Variants in DAPK2 observed in about 807,000 individuals in gnomAD.
DAPK2 encodes death associated protein kinase 2, also known as death-associated protein kinase 2.
In DAPK2, 35 loss-of-function variants were observed where a neutral mutation model predicts 44.1. That is an observed-to-expected ratio of 0.79 (90% CI 0.61 to 1.05). The LOEUF is 1.05. Ranked by LOEUF, DAPK2 falls within the 50% of genes least tolerant of loss-of-function variation. DAPK2 has a pLI of 0.00. For missense variants in DAPK2, 453 were observed against 483.2 expected (o/e 0.94, Z 0.59); for synonymous variants, 174 against 182.6 (o/e 0.95, Z 0.38).
chr15:64,024,010 C>A (rs927578842), intron 1 of DAPK2, among the ~76,000 whole-genome samples: 1 of 152,194 alleles, frequency 6.6e-6, no homozygotes, highest in African/African-American at 2.4e-5. Context: ...AAAGGGGAGT[C>A]TACCTTGCGC....
chr15:63,976,648 T>G (rs1013376377), intron 2 of DAPK2, among the ~76,000 whole-genome samples: 60 of 152,260 alleles, frequency 3.9e-4, no homozygotes, highest in African/African-American at 1.4e-3. Flanking sequence ...GAGGCTGTAG[T>G]GAGCCGTGAT....
intron 3 of DAPK2, among the ~76,000 whole-genome samples, chr15:63,954,067 A>G (rs1195084186): frequency 6.6e-6 from 1 of 152,038 alleles, no homozygotes; most frequent in East Asian, 1.9e-4. Context: ...TCCCTTGTCA[A>G]ATGGGTTGTT....
chr15:64,045,311 C>T (rs903234547), intron 1 of DAPK2, among the ~76,000 whole-genome samples: 2 of 152,122 alleles, frequency 1.3e-5, no homozygotes, highest in Non-Finnish European at 2.9e-5. Context: ...GGGAGATGAG[C>T]GGTTTGGGGA....
At position 63,923,270 on chromosome 15, in the gene DAPK2, T is replaced by A. The variant is rs2079138854; in HGVS notation, c.858+1546A>T. 6.5e-7 allele frequency: 1 copy of A among 1,535,828 alleles called. No individual in the cohort carries two copies. The highest frequency in any genetic ancestry group is 1.4e-5 in the African/African-American group (1 of 73,040). On this transcript the variant is annotated intron_variant, in intron 8 of 10. Coordinates refer to ENST00000261891, the Ensembl canonical transcript of DAPK2. This position sits in a 1 kb window ranked among gnomAD's most constrained non-coding sequence, Gnocchi z 4.2. ...GCTTGAGTGGCATTTGAGAGTGTAC[T>A]CTCTCAGGTGCTTGGTCTTCAGCTG... is the stretch of plus-strand genomic sequence containing the variant.
At chr15:63,992,359 C>CTG (rs1382548616) in intron 1 of DAPK2, among the ~76,000 whole-genome samples, 2 of 152,042 alleles carry the variant, frequency 1.3e-5, no homozygotes, top group Admixed American at 6.6e-5. Flanking sequence ...ACCCACCCAC[C>CTG]TGCCCATGTA....
chr15:64,012,033 C>T (rs1443938184), intron 1 of DAPK2, among the ~76,000 whole-genome samples: 1 of 152,118 alleles, frequency 6.6e-6, no homozygotes, highest in African/African-American at 2.4e-5. Flanking sequence ...CAGTTCCTTC[C>T]GTAAAGTGCA....
chr15:63,989,122 G>C (rs527782346), intron 1 of DAPK2, among the ~76,000 whole-genome samples: 1 of 150,404 alleles, frequency 6.6e-6, no homozygotes, highest in African/African-American at 2.4e-5. Context: ...AGAGGTACCA[G>C]TGAGCCGAGA....
chr15:63,926,863 T>A (rs1257427415), intron 6 of DAPK2, among the ~76,000 whole-genome samples: 1 of 152,218 alleles, frequency 6.6e-6, no homozygotes, highest in African/African-American at 2.4e-5. Flanking sequence ...CTTGGACTCT[T>A]CTTTCTATTC....
chr15:63,931,798 C>G (rs565856160), intron 4 of DAPK2, among the ~76,000 whole-genome samples: 1 of 152,212 alleles, frequency 6.6e-6, no homozygotes, highest in African/African-American at 2.4e-5. Context: ...AGATCAAATG[C>G]TCCCCAGAGA....
At chr15:64,008,545 C>T (rs2079300631) in intron 1 of DAPK2, among the ~76,000 whole-genome samples, 1 of 152,210 alleles carries the variant, frequency 6.6e-6, no homozygotes, top group Admixed American at 6.5e-5. Flanking sequence ...ACAAGCTAAG[C>T]ATTCTCCACT....
At chr15:63,975,737 T>G (rs2078327616) in intron 2 of DAPK2, among the ~76,000 whole-genome samples, 1 of 152,160 alleles carries the variant, frequency 6.6e-6, no homozygotes, top group Non-Finnish European at 1.5e-5. Context: ...TAGCTGAGGT[T>G]ACAGGCACAT....
At chr15:64,002,960 G>GCCC (rs1567266528) in intron 1 of DAPK2, among the ~76,000 whole-genome samples, 1 of 115,700 alleles carries the variant, frequency 8.6e-6, no homozygotes, top group Non-Finnish European at 1.8e-5. Flanking sequence ...GTGTGTGTGT[G>GCCC]TGTGTCGTGG....
chr15:64,045,899 T>C (rs892700726), intron 1 of DAPK2, among the ~76,000 whole-genome samples: 1 of 152,170 alleles, frequency 6.6e-6, no homozygotes, highest in African/African-American at 2.4e-5. Context: ...ATCACATCCT[T>C]GTGCCAGGCG....
Position 63,980,842 on chromosome 15 carries a change from C to T in DAPK2, c.314+2691G>A, listed in dbSNP as rs532276246. ...CGGTGGCTCACGCCTGTAATCCCAA[C>T]GCTTTGGGAGGCCAAGGCAGGCGGA... is the stretch of plus-strand genomic sequence containing the variant. On this transcript the variant is annotated intron_variant, in intron 2 of 10. Coordinates refer to ENST00000261891, the Ensembl canonical transcript of DAPK2. The surrounding 1 kb of genome is among the most constrained non-coding windows in gnomAD (Gnocchi z 4.3). Among the ~76,000 whole-genome samples the T allele has an allele frequency of 2.0e-5, 3 of 152,256 alleles. No individual in the cohort carries two copies. Among genetic ancestry groups the T allele is most frequent in the African/African-American group, 7.2e-5 (3 of 41,538 alleles).
rs1447133384 is a variant in DAPK2, at chr15:63,946,485, G to A, written c.454-7124C>T. On this transcript the variant is annotated intron_variant, in intron 3 of 10. Coordinates refer to ENST00000261891, the Ensembl canonical transcript of DAPK2. ...ATGGGGGCAAAACCTACTGAGCCAC[G>A]GGGTTGTTCTGTGATTGAGAGAGAT... 5.9e-5 allele frequency among the ~76,000 whole-genome samples: 9 copies of A among 152,210 alleles called. No individual in the cohort carries two copies. In the South Asian group the frequency reaches 1.2e-3, roughly 21 times the overall value.
At chr15:63,983,969 T>C (rs1015228213) in intron 1 of DAPK2, among the ~76,000 whole-genome samples, 2 of 152,116 alleles carry the variant, frequency 1.3e-5, no homozygotes, top group African/African-American at 4.8e-5. Context: ...GAGGAATGAA[T>C]GTTAGTATTC....
rs1247110335 is a variant in DAPK2 at position 63,966,742 on chromosome 15, G to T, written c.453+4681C>A. Among the ~76,000 whole-genome samples the T allele has an allele frequency of 6.6e-6, 1 of 152,142 alleles. No individual in the cohort carries two copies. On this transcript the variant is annotated intron_variant, in intron 3 of 10. Transcript: ENST00000261891. This position sits in a 1 kb window ranked among gnomAD's most constrained non-coding sequence, Gnocchi z 5.5. ...AGTTTCAATGCAAAGTCCCACAATT[G>T]CTGCACTCTCCCTCCCCCAAGTGCA...
At chr15:63,929,393 C>A in intron 6 of DAPK2, 158 bp downstream of exon 7, 2 of 870,702 alleles carry the variant, frequency 2.3e-6, no homozygotes, top group Non-Finnish European at 3.5e-6. Context: ...ATGAAATGGA[C>A]CTACAGCACT....
At chr15:64,008,470 G>T (rs990229092) in intron 1 of DAPK2, among the ~76,000 whole-genome samples, 5 of 152,148 alleles carry the variant, frequency 3.3e-5, no homozygotes, top group Admixed American at 1.3e-4. Context: ...TGTATTCTGG[G>T]AATTTGGCCT....
Sources: gnomAD v4.1 joint callset for allele counts (sites outside exome capture counted in the v4.1 genomes callset) on GRCh38, gnomAD v4.1.1 for gene constraint, Gnocchi (gnomAD v3.1) non-coding constraint, MANE v1.5 for transcripts, NCBI Gene and HGNC (gene_info 2026-07-23, HGNC 2026-07-21) for gene names.